Variants in BRIP1 observed in about 807,000 individuals in gnomAD.
BRIP1 encodes the protein BRCA1 interacting DNA helicase 1, also known as Fanconi anemia group J protein.
BRIP1 carries 88 observed loss-of-function variants against 119.7 expected under a neutral mutation model. The observed-to-expected ratio is 0.74, with a 90% CI of 0.62 to 0.88. The LOEUF is 0.88. Ranked by LOEUF, BRIP1 falls within the 40% of genes least tolerant of loss-of-function variation. The probability of loss-of-function intolerance (pLI) is 0.00; values close to 1 mark genes in which losing one functional copy is unlikely to be tolerated. For synonymous variants in BRIP1, 443 were observed against 496.5 expected (o/e 0.89, Z 1.43); for missense variants, 1,259 against 1,455.4 (o/e 0.87, Z 2.20).
rs2078543920 is a variant in BRIP1 at position 61,834,648 on chromosome 17, C to G, written c.627+12453G>C. Among the ~76,000 whole-genome samples the G allele has an allele frequency of 6.6e-6, 1 of 152,106 alleles. No individual in the cohort carries two copies. Among genetic ancestry groups the G allele is most frequent in the African/African-American group, 2.4e-5 (1 of 41,386 alleles). Reference sequence around the variant, plus strand: ...TTTTGGTGACTGGAACATTAGCAAACCTGACACAAACAGACTCAAAAGGCA... The same window carrying G: ...TTTTGGTGACTGGAACATTAGCAAAGCTGACACAAACAGACTCAAAAGGCA... On this transcript the variant is annotated intron_variant, in intron 6 of 19. Transcript: ENST00000259008. This position sits in a 1 kb window ranked among gnomAD's most constrained non-coding sequence, Gnocchi z 4.4.
intron 10 of BRIP1, among the ~76,000 whole-genome samples, chr17:61,790,064 C>G (rs746427725): frequency 5.3e-5 from 8 of 152,174 alleles, no homozygotes; most frequent in Non-Finnish European, 8.8e-5. Context: ...CAAAACATTC[C>G]TAGAATCCCA....
intron 6 of BRIP1, among the ~76,000 whole-genome samples, chr17:61,833,070 C>T (rs2078516289): frequency 6.6e-6 from 1 of 152,272 alleles, no homozygotes; most frequent in Admixed American, 6.5e-5. Context: ...GGTCAATTAA[C>T]GAAGTAGTTT....
rs941828444 is a variant in BRIP1, at chr17:61,860,885, T to C, written c.93+562A>G. Among the ~76,000 whole-genome samples, 5 of 152,178 alleles carry C rather than the reference T, an allele frequency of 3.3e-5. No individual in the cohort carries two copies. The highest frequency in any genetic ancestry group is 7.3e-5 in the Non-Finnish European group (5 of 68,038). On this transcript the variant is annotated intron_variant, in intron 2 of 19. Coordinates refer to ENST00000259008, the MANE Select transcript of BRIP1 (RefSeq NM_032043.3). This position sits in a 1 kb window ranked among gnomAD's most constrained non-coding sequence, Gnocchi z 4.1. ...GTTCTGCATAAAAAGTAAGGTACCG[T>C]ATCACATCAATGCACAGTTTCAAAT...
rs2078230408 is a variant in BRIP1 at position 61,815,985 on chromosome 17, C to T, written c.628-7228G>A. 6.6e-6 allele frequency among the ~76,000 whole-genome samples: 1 copy of T among 152,192 alleles called. No individual in the cohort carries two copies. The highest frequency in any genetic ancestry group is 1.5e-5 in the Non-Finnish European group (1 of 68,036). On this transcript the variant is annotated intron_variant, in intron 6 of 19. Coordinates refer to ENST00000259008, the MANE Select transcript of BRIP1 (RefSeq NM_032043.3). The surrounding 1 kb of genome is among the most constrained non-coding windows in gnomAD (Gnocchi z 4.1). ...TAGTAAGATAGCAAAAGTAACATAA[C>T]TATACCTTTTCAACTATTCTTTTTT...
At position 61,776,701 on chromosome 17, in the gene BRIP1, C is replaced by G. The variant is rs552815938; in HGVS notation, c.1936-139G>C. ...TAAATTGTCAGGGGGTTTTCTATTA[C>G]CTTCAATTAACTGTATACAGATTTA... On this transcript the variant is annotated intron_variant, in intron 13 of 19. Transcript: ENST00000259008. This position sits in a 1 kb window ranked among gnomAD's most constrained non-coding sequence, Gnocchi z 5.0. 142 of 852,188 alleles carry G rather than the reference C, an allele frequency of 1.7e-4. No homozygotes were observed. In the South Asian group the frequency reaches 1.9e-3, roughly 11 times the overall value. 52.8% of individuals were successfully genotyped at this position (852,188 alleles called of 1,614,324 possible). A position where few individuals can be genotyped will look rare whatever the true frequency, so the allele number is the denominator to read the frequency against.
chr17:61,796,308 A>G lies in BRIP1; in HGVS notation c.1341-2579T>C, dbSNP rs913121478. On this transcript the variant is annotated intron_variant, in intron 9 of 19. Coordinates refer to ENST00000259008, the MANE Select transcript of BRIP1 (RefSeq NM_032043.3). This position sits in a 1 kb window ranked among gnomAD's most constrained non-coding sequence, Gnocchi z 4.8. ...CTTTGGTTACCTGTGCTTGTGGGGT[A>G]TTGCTCAAGAAGTTGTTCCCCAGAC... 1.3e-5 allele frequency among the ~76,000 whole-genome samples: 2 copies of G among 151,974 alleles called. No homozygotes were observed. The highest frequency in any genetic ancestry group is 2.4e-5 in the African/African-American group (1 of 41,396).
At chr17:61,688,074 T>G (rs1387818352) in intron 18 of BRIP1, among the ~76,000 whole-genome samples, 2 of 152,102 alleles carry the variant, frequency 1.3e-5, no homozygotes, top group African/African-American at 2.4e-5. Flanking sequence ...GGAGTGTGCA[T>G]CCAACATCTT....
At chr17:61,723,331 T>C (rs2062013181) in intron 16 of BRIP1, among the ~76,000 whole-genome samples, 1 of 152,220 alleles carries the variant, frequency 6.6e-6, no homozygotes, top group Non-Finnish European at 1.5e-5. Context: ...CTGCTCATCC[T>C]TATAAACACA....
intron 10 of BRIP1, among the ~76,000 whole-genome samples, chr17:61,787,055 T>G (rs1432915980): frequency 8.6e-6 from 1 of 115,944 alleles, no homozygotes; most frequent in Non-Finnish European, 1.6e-5. Flanking sequence ...TTTATATAAA[T>G]TTATAAATAT....
At chr17:61,721,551 G>A (rs1377084334) in intron 16 of BRIP1, among the ~76,000 whole-genome samples, 1 of 152,036 alleles carries the variant, frequency 6.6e-6, no homozygotes, top group African/African-American at 2.4e-5. Context: ...TTACGGGCGT[G>A]AGCCACTGTG....
At position 61,857,170 on chromosome 17, in the gene BRIP1, TG is replaced by T; in HGVS notation, c.266del (p.Ala89AspfsTer12). On this transcript the variant is annotated frameshift_variant, in exon 4 of 20. Coordinates refer to ENST00000259008, the MANE Select transcript of BRIP1 (RefSeq NM_032043.3). LOFTEE classifies it high-confidence loss of function. The surrounding 1 kb of genome is among the most constrained non-coding windows in gnomAD (Gnocchi z 5.1). The stretch of plus-strand genomic sequence containing the variant: ...TGTTTGTAAAATCCTTTGAATGGCA[TG>T]CACAACAACATGACAATTGTACTTC... ...KAEVQLSCCC[A>X]CHSKDFTNND... The T allele has an allele frequency of 6.2e-7, 1 of 1,613,984 alleles. No individual in the cohort carries two copies. The highest frequency in any genetic ancestry group is 8.5e-7 in the Non-Finnish European group (1 of 1,179,794).
chr17:61,803,959 T>G lies in BRIP1; in HGVS notation c.919-2485A>C, dbSNP rs1990338. Among the ~76,000 whole-genome samples, 1 of 152,060 alleles carries G rather than the reference T, an allele frequency of 6.6e-6. No homozygotes were observed. The highest frequency in any genetic ancestry group is 1.9e-4 in the East Asian group (1 of 5,188). ...TTAGCCCTTAAAAATGATTTAGATT[T>G]GTCTATGTGTTGATTAGGCTCTCTA... On this transcript the variant is annotated intron_variant, in intron 7 of 19. Transcript: ENST00000259008. This position sits in a 1 kb window ranked among gnomAD's most constrained non-coding sequence, Gnocchi z 4.3.
rs776990704 is a variant in BRIP1, at chr17:61,683,995, C to T, written c.3051G>A (p.Pro1017=). 1.3e-5 allele frequency: 21 copies of T among 1,613,964 alleles called. 1 individual carries two copies. Among genetic ancestry groups the T allele is most frequent in the East Asian group, 4.5e-5 (2 of 44,886 alleles). ...SLGQYFTGKI[P]KATPELGSSE... ...ATGACCCGAGCTCAGGTGTTGCCTT[C>T]GGTATTTTACCAGTAAAATACTGTC... The change falls in exon 20 of 20, where the codon CCG becomes CCA. Residue 1017 remains proline, a synonymous_variant. Transcript: ENST00000259008. This position sits in a 1 kb window ranked among gnomAD's most constrained non-coding sequence, Gnocchi z 4.7.
rs1170124428 is a variant in BRIP1, at chr17:61,776,870, A to C, written c.1936-308T>G. On this transcript the variant is annotated intron_variant, in intron 13 of 19. Coordinates refer to ENST00000259008, the MANE Select transcript of BRIP1 (RefSeq NM_032043.3). The surrounding 1 kb of genome is among the most constrained non-coding windows in gnomAD (Gnocchi z 5.0). ...GTAACAAATTTTTGTTAGGTGAATA[A>C]ATGAACAAGTGAAATGATGAATATA... Among the ~76,000 whole-genome samples the C allele has an allele frequency of 6.6e-6, 1 of 152,238 alleles. No homozygotes were observed. The highest frequency in any genetic ancestry group is 6.5e-5 in the Admixed American group (1 of 15,284).
Position 61,715,720 on chromosome 17 carries a change from C to G in BRIP1, c.2492+231G>C, listed in dbSNP as rs78173301. On this transcript the variant is annotated intron_variant, in intron 17 of 19. Transcript: ENST00000259008. ...GTGCTATTCATTGTTAGATCAATCA[C>G]AAAATTTCTTTAAACTTTAGCAAAT... Among the ~76,000 whole-genome samples, 44 of 152,272 alleles carry G rather than the reference C, an allele frequency of 2.9e-4. 1 individual carries two copies. In the East Asian group the frequency reaches 8.3e-3, roughly 29 times the overall value.
In BRIP1 at chr17:61,846,575, C is replaced by T. The variant is rs1397023805; in HGVS notation, c.627+526G>A. Among the ~76,000 whole-genome samples the T allele has an allele frequency of 6.6e-6, 1 of 152,036 alleles. No individual in the cohort carries two copies. Among genetic ancestry groups the T allele is most frequent in the African/African-American group, 2.4e-5 (1 of 41,412 alleles). On this transcript the variant is annotated intron_variant, in intron 6 of 19. Transcript: ENST00000259008. The surrounding 1 kb of genome is among the most constrained non-coding windows in gnomAD (Gnocchi z 4.3). ...CTAATTTTTGTATTTTTTGTAGAAT[C>T]AGGGTTTCGCCATGTTGCCCAGGCT...
Position 61,857,298 on chromosome 17 carries a change from C to G in BRIP1, c.206-67G>C, listed in dbSNP as rs2145832824. On this transcript the variant is annotated intron_variant, in intron 3 of 19. Transcript: ENST00000259008. This position sits in a 1 kb window ranked among gnomAD's most constrained non-coding sequence, Gnocchi z 5.1. ...ATAAACATCAATCATTCTCTACAGCCCAGTTCACCCAGGATTGGGAGGTTT... is the reference window on the plus strand; with the variant it reads ...ATAAACATCAATCATTCTCTACAGCGCAGTTCACCCAGGATTGGGAGGTTT... 7.2e-7 allele frequency: 1 copy of G among 1,395,386 alleles called. No individual in the cohort carries two copies. Among genetic ancestry groups the G allele is most frequent in the Admixed American group, 2.1e-5 (1 of 47,740 alleles). The allele number at this position is 1,395,386 out of a possible 1,614,324, so 86.4% of individuals were successfully genotyped here.
chr17:61,694,798 C>T (rs187227818), intron 17 of BRIP1, among the ~76,000 whole-genome samples: 28 of 151,804 alleles, frequency 1.8e-4, no homozygotes, highest in African/African-American at 4.8e-4. Flanking sequence ...TCATTTTTTA[C>T]GTGCTTACTG....
intron 17 of BRIP1, among the ~76,000 whole-genome samples, chr17:61,697,004 G>C (rs7222771): frequency 8.6e-5 from 7 of 81,536 alleles, no homozygotes; most frequent in Admixed American, 3.9e-4. Context: ...AAAAAAAAAA[G>C]GGGGGGGGAA....
Sources: gnomAD v4.1 joint callset for allele counts (sites outside exome capture counted in the v4.1 genomes callset) on GRCh38, gnomAD v4.1.1 for gene constraint, Gnocchi (gnomAD v3.1) non-coding constraint, MANE v1.5 for transcripts, NCBI Gene and HGNC (gene_info 2026-07-23, HGNC 2026-07-21) for gene names.